Variants in AVL9 observed in about 807,000 individuals in gnomAD.
AVL9 encodes the protein AVL9 cell migration associated, also known as late secretory pathway protein AVL9 homolog.
In AVL9, 49 loss-of-function variants were observed where a neutral mutation model predicts 79.2. That is an observed-to-expected ratio of 0.62 (90% CI 0.49 to 0.79). AVL9 has a LOEUF of 0.79. Ranked by LOEUF, AVL9 falls within the 30% of genes least tolerant of loss-of-function variation. The probability of loss-of-function intolerance (pLI) is 0.00; values close to 1 mark genes in which losing one functional copy is unlikely to be tolerated. For missense variants in AVL9, 682 were observed against 776.8 expected (o/e 0.88, Z 1.45); for synonymous variants, 299 against 280.6 (o/e 1.07, Z -0.65).
Position 32,576,033 on chromosome 7 carries a change from AC to A in AVL9, c.1650del (p.Asn550LysfsTer11). On this transcript the variant is annotated frameshift_variant, in exon 13 of 16. Transcript: ENST00000318709. LOFTEE classifies it high-confidence loss of function. ...WKNTHNYRVW[N>X]SNKHPALAEI... ...AATACTCACAACTACAGGGTGTGGA[AC>A]AGCAACAAGCATCCAGCACTTGCAG... The A allele has an allele frequency of 6.2e-7, 1 of 1,614,092 alleles. No homozygotes were observed.
chr7:32,569,250 C>T (rs17365249), intron 10 of AVL9, among the ~76,000 whole-genome samples: 75,454 of 152,084 alleles, frequency 0.5, 20,635 homozygotes, highest in Admixed American at 0.65. Context: ...GCTGTATATA[C>T]AAGTCATGCC....
chr7:32,576,533 C>T (rs530986918), intron 13 of AVL9, among the ~76,000 whole-genome samples: 2 of 152,278 alleles, frequency 1.3e-5, no homozygotes, highest in East Asian at 3.9e-4. Context: ...CCTGTAATCC[C>T]AACACTTTGG....
chr7:32,545,637 G>A (rs1427655898), intron 3 of AVL9, among the ~76,000 whole-genome samples: 3 of 152,042 alleles, frequency 2.0e-5, no homozygotes, highest in African/African-American at 4.8e-5. Flanking sequence ...CTGCAGGCAT[G>A]AGCCACTGTG....
intron 1 of AVL9, among the ~76,000 whole-genome samples, chr7:32,524,995 G>A (rs1044986946): frequency 1.1e-4 from 17 of 152,072 alleles, no homozygotes; most frequent in Admixed American, 9.2e-4. Flanking sequence ...TCATGAGCAG[G>A]GAGCTTCCTT....
At chr7:32,541,074 T>G (rs1789175377) in intron 1 of AVL9, among the ~76,000 whole-genome samples, 1 of 151,786 alleles carries the variant, frequency 6.6e-6, no homozygotes, top group Non-Finnish European at 1.5e-5. Context: ...GCTAATTTTT[T>G]GTATTTTTAG....
At chr7:32,500,441 T>C (rs756094614) in intron 1 of AVL9, among the ~76,000 whole-genome samples, 52 of 152,204 alleles carry the variant, frequency 3.4e-4, no homozygotes, top group Non-Finnish European at 6.8e-4. Flanking sequence ...TTGTTTTTTT[T>C]CTTATAAATT....
intron 11 of AVL9, among the ~76,000 whole-genome samples, chr7:32,570,776 C>G (rs1790800283): frequency 6.6e-6 from 1 of 151,204 alleles, no homozygotes; most frequent in Admixed American, 6.6e-5. Context: ...CCCGCCACCA[C>G]GCTCGGCTAA....
At chr7:32,504,875 AT>A (rs1411397695) in intron 1 of AVL9, among the ~76,000 whole-genome samples, 15 of 147,466 alleles carry the variant, frequency 1.0e-4, no homozygotes, top group Admixed American at 9.4e-4. Flanking sequence ...TTTTTATTTT[AT>A]TTTATTTATT....
intron 13 of AVL9, 40 bp from the exon 14 acceptor site, chr7:32,580,179 G>A: frequency 6.6e-7 from 1 of 1,507,880 alleles, no homozygotes; most frequent in South Asian, 1.2e-5. Flanking sequence ...CAGCCTTTTT[G>A]GTAAAATACT....
At chr7:32,547,561 G>C (rs1250443991) in intron 3 of AVL9, among the ~76,000 whole-genome samples, 2 of 152,112 alleles carry the variant, frequency 1.3e-5, no homozygotes, top group African/African-American at 2.4e-5. Flanking sequence ...CTCGTGCTCT[G>C]CATAGCCTTT....
chr7:32,564,338 C>CT (rs1790461468), intron 10 of AVL9, among the ~76,000 whole-genome samples: 1 of 152,174 alleles, frequency 6.6e-6, no homozygotes, highest in Non-Finnish European at 1.5e-5. Context: ...CCAATGCTGA[C>CT]TTTTTCATGT....
At chr7:32,569,610 T>C (rs73101223) in intron 10 of AVL9, among the ~76,000 whole-genome samples, 2,677 of 152,364 alleles carry the variant, frequency 0.018, 32 homozygotes, top group Non-Finnish European at 0.028. Flanking sequence ...CTTCGGTGGT[T>C]ATGTGCAGAT....
chr7:32,574,443 T>C (rs1790993060), intron 12 of AVL9, among the ~76,000 whole-genome samples: 1 of 152,176 alleles, frequency 6.6e-6, no homozygotes, highest in African/African-American at 2.4e-5. Context: ...CCCAAATCAT[T>C]TGGTAATCTA....
intron 8 of AVL9, among the ~76,000 whole-genome samples, chr7:32,557,084 G>A (rs994256068): frequency 4.0e-5 from 6 of 151,880 alleles, no homozygotes; most frequent in Non-Finnish European, 7.4e-5. Context: ...CTACATAATC[G>A]GAATACCATT....
chr7:32,579,347 TTATATAA>T (rs1335537519), intron 13 of AVL9, among the ~76,000 whole-genome samples: 6 of 78,798 alleles, frequency 7.6e-5, no homozygotes, highest in Non-Finnish European at 1.0e-4. Flanking sequence ...AACACATATT[TTATATAA>T]TATATAACAT....
At chr7:32,556,428 T>C (rs1790058672) in intron 8 of AVL9, among the ~76,000 whole-genome samples, 1 of 151,970 alleles carries the variant, frequency 6.6e-6, no homozygotes, top group African/African-American at 2.4e-5. Flanking sequence ...GCAGGAGAAC[T>C]GCTTGAACCA....
chr7:32,542,289 C>T (rs1365175297), intron 1 of AVL9, among the ~76,000 whole-genome samples: 3 of 149,640 alleles, frequency 2.0e-5, no homozygotes, highest in Admixed American at 1.3e-4. Flanking sequence ...CCTGTAATCC[C>T]AGCACTTTGG....
chr7:32,558,670 G>C, intron 9 of AVL9, 42 bp downstream of exon 9: 1 of 1,468,630 alleles, frequency 6.8e-7, no homozygotes, highest in Non-Finnish European at 9.3e-7. Context: ...TGTTTAACTT[G>C]TACTGGAACC....
intron 13 of AVL9, among the ~76,000 whole-genome samples, chr7:32,578,992 G>C (rs1266460602): frequency 1.3e-5 from 2 of 151,902 alleles, no homozygotes; most frequent in African/African-American, 4.8e-5. Flanking sequence ...CAGGAACACA[G>C]AGAATGATCA....
Sources: gnomAD v4.1 joint callset for allele counts (sites outside exome capture counted in the v4.1 genomes callset) on GRCh38, gnomAD v4.1.1 for gene constraint, MANE v1.5 for transcripts, NCBI Gene and HGNC (gene_info 2026-07-23, HGNC 2026-07-21) for gene names.